SDK2: variants seen among roughly 807,000 people sequenced by gnomAD.
SDK2 encodes protein sidekick-2.
In SDK2, 105 loss-of-function variants were observed where a neutral mutation model predicts 253.9. That is an observed-to-expected ratio of 0.41 (90% confidence interval 0.35 to 0.49). SDK2 has a LOEUF of 0.49. SDK2 is among the 20% of genes least tolerant of loss of function. SDK2 has a pLI of 0.06. For synonymous variants in SDK2, 1,249 were observed against 1,234.9 expected, an observed-to-expected ratio of 1.01 and a Z score of -0.24; for missense variants, 2,608 against 3,003.0, an observed-to-expected ratio of 0.87 and a Z score of 3.07.
At chr17:73,469,691 T>C (rs571631949) in intron 3 of SDK2, among the ~76,000 whole-genome samples, 2 of 152,132 alleles carry the variant, frequency 1.3e-5, no homozygotes, top group South Asian at 4.1e-4. Context: ...TGGGTTTGTG[T>C]GTATGTGGGA....
At chr17:73,422,259 C>T (rs369891609) in intron 15 of SDK2, 28 bp downstream of exon 15, 165 of 1,608,906 alleles carry the variant, frequency 1.0e-4, no homozygotes, top group Middle Eastern at 1.6e-4. Context: ...GTCCTGGCGA[C>T]GCCCCTGTAG....
At chr17:73,479,424 G>A (rs771351688) in intron 2 of SDK2, among the ~76,000 whole-genome samples, 2 of 152,194 alleles carry the variant, frequency 1.3e-5, no homozygotes, top group Admixed American at 6.5e-5. Context: ...GGTGGTGATC[G>A]AGGACCTGGC....
intron 1 of SDK2, among the ~76,000 whole-genome samples, chr17:73,580,383 T>TATA (rs1455796559): frequency 2.6e-5 from 4 of 152,262 alleles, no homozygotes; most frequent in African/African-American, 4.8e-5. Flanking sequence ...TCCCTGGTGT[T>TATA]AGCACCCCTT....
At chr17:73,573,187 G>T (rs2045412253) in intron 1 of SDK2, among the ~76,000 whole-genome samples, 1 of 152,184 alleles carries the variant, frequency 6.6e-6, no homozygotes, top group Non-Finnish European at 1.5e-5. Flanking sequence ...ACTCTGCAGA[G>T]AACACACTCT....
intron 1 of SDK2, among the ~76,000 whole-genome samples, chr17:73,514,275 G>T (rs1190215673): frequency 2.0e-5 from 3 of 152,112 alleles, no homozygotes; most frequent in Non-Finnish European, 4.4e-5. Context: ...CCTCAGCCCG[G>T]GGCTTCCTTG....
At chr17:73,406,939 T>C (rs572740167) in intron 18 of SDK2, among the ~76,000 whole-genome samples, 1 of 152,286 alleles carries the variant, frequency 6.6e-6, no homozygotes, top group African/African-American at 2.4e-5. Flanking sequence ...ATTCTGAAAC[T>C]GTTGTGTGTG....
intron 33 of SDK2, among the ~76,000 whole-genome samples, chr17:73,382,902 G>A (rs949112268): frequency 4.6e-5 from 7 of 152,128 alleles, no homozygotes; most frequent in African/African-American, 7.2e-5. Flanking sequence ...GGTGGCACAC[G>A]CCTGGAGTCC....
At chr17:73,449,304 A>G (rs1480767157) in intron 4 of SDK2, among the ~76,000 whole-genome samples, 1 of 152,226 alleles carries the variant, frequency 6.6e-6, no homozygotes, top group Non-Finnish European at 1.5e-5. Context: ...TGGGCCTGAG[A>G]CAGCTGTTAA....
intron 36 of SDK2, among the ~76,000 whole-genome samples, chr17:73,369,740 G>A (rs1210754865): frequency 2.0e-5 from 3 of 152,052 alleles, no homozygotes; most frequent in African/African-American, 7.2e-5. Flanking sequence ...TCCGCCTCAC[G>A]GGTTCACGCC....
At chr17:73,585,782 C>T (rs1299289135) in intron 1 of SDK2, among the ~76,000 whole-genome samples, 1 of 152,188 alleles carries the variant, frequency 6.6e-6, no homozygotes, top group Admixed American at 6.5e-5. Context: ...ACTTAGGAGC[C>T]AGCACTGTGA....
intron 2 of SDK2, among the ~76,000 whole-genome samples, chr17:73,492,976 C>G (rs1349944210): frequency 6.6e-6 from 1 of 152,174 alleles, no homozygotes; most frequent in Non-Finnish European, 1.5e-5. Flanking sequence ...CAAGGCCGGG[C>G]GCAGGAGGAC....
rs1772721995 is a variant in SDK2 at position 73,511,137 on chromosome 17, T to C, written c.65-3540A>G. Among the ~76,000 whole-genome samples the C allele has an allele frequency of 6.6e-6, 1 of 152,204 alleles. No homozygotes were observed. The highest frequency in any genetic ancestry group is 1.5e-5 in the Non-Finnish European group (1 of 68,038). On this transcript the variant is annotated intron_variant, in intron 1 of 44. Coordinates refer to ENST00000392650, the MANE Select transcript of SDK2 (RefSeq NM_001144952.2). The surrounding 1 kb of genome is among the most constrained non-coding windows in gnomAD (Gnocchi z 4.9). Reference sequence around the variant, plus strand: ...TCTTACTTCAAAGGCGCATTCATATTCTCCAGCAGCTTTCAAGAGCCCTTT... The same window carrying C: ...TCTTACTTCAAAGGCGCATTCATATCCTCCAGCAGCTTTCAAGAGCCCTTT...
At chr17:73,407,204 A>G (rs2063086225) in intron 18 of SDK2, among the ~76,000 whole-genome samples, 1 of 152,230 alleles carries the variant, frequency 6.6e-6, no homozygotes, top group South Asian at 2.1e-4. Flanking sequence ...ACTGAAAGCA[A>G]CAAGAGCCCC....
chr17:73,474,848 A>C (rs1479947543), intron 2 of SDK2, among the ~76,000 whole-genome samples: 1 of 152,258 alleles, frequency 6.6e-6, no homozygotes, highest in African/African-American at 2.4e-5. Context: ...TATTATTAAA[A>C]AGCACCAGAG....
intron 1 of SDK2, among the ~76,000 whole-genome samples, chr17:73,525,172 C>T (rs1567822778): frequency 6.6e-6 from 1 of 152,192 alleles, no homozygotes; most frequent in Non-Finnish European, 1.5e-5. Flanking sequence ...CCCGGAGAAC[C>T]ATGGGTCTTG....
intron 1 of SDK2, among the ~76,000 whole-genome samples, chr17:73,581,464 G>A (rs917055191): frequency 1.3e-5 from 2 of 152,200 alleles, no homozygotes; most frequent in South Asian, 4.1e-4. Context: ...ATCTGGGTCT[G>A]GGGTCCACAT....
At chr17:73,354,110 T>C (rs1296100900) in intron 40 of SDK2, among the ~76,000 whole-genome samples, 1 of 152,162 alleles carries the variant, frequency 6.6e-6, no homozygotes, top group African/African-American at 2.4e-5. Context: ...GGTGTGCTCT[T>C]GGCTCACTGC....
intron 2 of SDK2, among the ~76,000 whole-genome samples, chr17:73,475,912 G>A (rs1021436919): frequency 6.6e-6 from 1 of 152,200 alleles, no homozygotes; most frequent in African/African-American, 2.4e-5. Context: ...AGGAGTTCAA[G>A]ACCAGCATGG....
chr17:73,432,861 CGT>C (rs781747018), intron 10 of SDK2, among the ~76,000 whole-genome samples: 10 of 149,914 alleles, frequency 6.7e-5, no homozygotes, highest in African/African-American at 1.2e-4. Flanking sequence ...TGTGCACATG[CGT>C]GTGTGTGCAT....
Sources: gnomAD v4.1 joint callset for allele counts (sites outside exome capture counted in the v4.1 genomes callset) on GRCh38, gnomAD v4.1.1 for gene constraint, Gnocchi (gnomAD v3.1) non-coding constraint, MANE v1.5 for transcripts, NCBI Gene and HGNC (gene_info 2026-07-23, HGNC 2026-07-21) for gene names.